The following ERC2 variants were observed in gnomAD, a reference collection of about 807,000 sequenced individuals.
ERC2 encodes ELKS/RAB6-interacting/CAST family member 2, also known as ERC protein 2.
Under a neutral mutation model 114.8 loss-of-function variants are expected in ERC2, and 42 were observed. The ratio of observed to expected loss-of-function variants is 0.37; its 90% CI spans 0.29 to 0.47. The LOEUF (loss-of-function observed/expected upper bound fraction) is 0.47, where lower values mean the gene tolerates loss of function less well. Among genes scored for constraint, ERC2 ranks in the 20% least tolerant of loss-of-function variants. The probability of loss-of-function intolerance (pLI) is 0.99; values close to 1 mark genes in which losing one functional copy is unlikely to be tolerated. For synonymous variants in ERC2, 454 were observed against 425.5 expected, an observed-to-expected ratio of 1.07 and a Z score of -0.82; for missense variants, 939 against 1,150.7, an observed-to-expected ratio of 0.82 and a Z score of 2.66.
chr3:56,177,483 G>T (rs915428790), intron 3 of ERC2, among the ~76,000 whole-genome samples: 2 of 152,198 alleles, frequency 1.3e-5, no homozygotes, highest in African/African-American at 4.8e-5. Flanking sequence ...ATCATGAAGT[G>T]CAATGGTACT....
intron 12 of ERC2, among the ~76,000 whole-genome samples, chr3:55,966,369 G>A (rs1421470581): frequency 3.3e-5 from 5 of 152,130 alleles, no homozygotes; most frequent in Non-Finnish European, 5.9e-5. Flanking sequence ...AGAGCTCCCA[G>A]GGGCAGGGTG....
chr3:55,857,600 A>C (rs1480982094), intron 14 of ERC2, among the ~76,000 whole-genome samples: 5 of 152,210 alleles, frequency 3.3e-5, no homozygotes, highest in Admixed American at 2.6e-4. Context: ...AACAAAACAA[A>C]AACCATGACT....
At chr3:55,667,117 G>A (rs1472359356) in intron 17 of ERC2, among the ~76,000 whole-genome samples, 1 of 152,066 alleles carries the variant, frequency 6.6e-6, no homozygotes, top group Non-Finnish European at 1.5e-5. Flanking sequence ...AGAGGGTTGG[G>A]GAGGATAATG....
At chr3:55,805,179 C>A (rs2059442497) in intron 14 of ERC2, among the ~76,000 whole-genome samples, 1 of 151,982 alleles carries the variant, frequency 6.6e-6, no homozygotes, top group Non-Finnish European at 1.5e-5. Context: ...TCACAACAGG[C>A]ACCAAGTGTA....
At chr3:55,854,698 C>T (rs779039741) in intron 14 of ERC2, among the ~76,000 whole-genome samples, 4 of 152,160 alleles carry the variant, frequency 2.6e-5, no homozygotes, top group Admixed American at 6.5e-5. Flanking sequence ...CAGTCTGGCA[C>T]GGAGCAGCAG....
chr3:56,139,773 G>A (rs771672248), intron 5 of ERC2, 97 bp from the exon 6 acceptor site: 62 of 1,332,184 alleles, frequency 4.7e-5, no homozygotes, highest in Non-Finnish European at 6.1e-5. Context: ...AGCAGCCAGT[G>A]ATCAATAATC....
intron 14 of ERC2, among the ~76,000 whole-genome samples, chr3:55,773,768 G>T (rs1292145180): frequency 6.6e-6 from 1 of 152,166 alleles, no homozygotes; most frequent in Non-Finnish European, 1.5e-5. Context: ...CCTGGGAAAG[G>T]CTATTTTGGT....
At chr3:56,159,413 A>G (rs886807180) in intron 4 of ERC2, among the ~76,000 whole-genome samples, 11 of 152,218 alleles carry the variant, frequency 7.2e-5, no homozygotes, top group African/African-American at 2.7e-4. Context: ...GTTATTCTAC[A>G]TTGATAAATA....
intron 14 of ERC2, among the ~76,000 whole-genome samples, chr3:55,792,867 G>A (rs2070159712): frequency 6.6e-6 from 1 of 152,116 alleles, no homozygotes; most frequent in African/African-American, 2.4e-5. Context: ...TGGGTGTAGA[G>A]TACAGTGTCA....
At chr3:55,768,321 T>C (rs1048447929) in intron 14 of ERC2, among the ~76,000 whole-genome samples, 12 of 152,364 alleles carry the variant, frequency 7.9e-5, no homozygotes, top group African/African-American at 2.9e-4. Context: ...TGGGAATCCA[T>C]AAGTCAGTGC....
At chr3:56,017,776 C>T (rs1260223528) in intron 8 of ERC2, among the ~76,000 whole-genome samples, 1 of 152,162 alleles carries the variant, frequency 6.6e-6, no homozygotes, top group African/African-American at 2.4e-5. Flanking sequence ...CTCCCCATCA[C>T]CTCCACTAGA....
intron 10 of ERC2, among the ~76,000 whole-genome samples, chr3:55,999,617 T>C (rs1029694572): frequency 4.6e-5 from 7 of 151,830 alleles, no homozygotes; most frequent in African/African-American, 1.7e-4. Context: ...AATAAAATAA[T>C]AAGTATATCA....
chr3:55,660,821 G>A (rs1179117949), intron 17 of ERC2, among the ~76,000 whole-genome samples: 3 of 152,176 alleles, frequency 2.0e-5, no homozygotes, highest in African/African-American at 7.2e-5. Flanking sequence ...ACCTCTGTGA[G>A]CCTCAATCAG....
chr3:56,195,728 G>A (rs1023630241), intron 3 of ERC2, among the ~76,000 whole-genome samples: 1 of 152,074 alleles, frequency 6.6e-6, no homozygotes, highest in Non-Finnish European at 1.5e-5. Flanking sequence ...TGGGGACTCT[G>A]AGGCAGGAAG....
intron 15 of ERC2, among the ~76,000 whole-genome samples, chr3:55,722,653 T>G (rs1559551365): frequency 6.6e-6 from 1 of 152,220 alleles, no homozygotes; most frequent in African/African-American, 2.4e-5. Context: ...GGTGTCCAGA[T>G]AGTATCTGGA....
At chr3:56,453,882 A>G (rs376263227) in intron 1 of ERC2, among the ~76,000 whole-genome samples, 85 of 152,276 alleles carry the variant, frequency 5.6e-4, no homozygotes, top group East Asian at 4.5e-3. Context: ...GCGAGCATCA[A>G]TGGGCGTGGG....
chr3:55,722,659 C>T (rs1377567141), intron 15 of ERC2, among the ~76,000 whole-genome samples: 1 of 152,178 alleles, frequency 6.6e-6, no homozygotes, highest in African/African-American at 2.4e-5. Context: ...CAGATAGTAT[C>T]TGGAACGTAG....
chr3:55,581,773 T>C (rs2057274234), intron 17 of ERC2, among the ~76,000 whole-genome samples: 1 of 152,160 alleles, frequency 6.6e-6, no homozygotes. Context: ...AACCATTGAC[T>C]TCGCATGGAG....
chr3:56,297,345 C>G (rs1167931434), intron 2 of ERC2, among the ~76,000 whole-genome samples: 1 of 152,018 alleles, frequency 6.6e-6, no homozygotes, highest in East Asian at 1.9e-4. Context: ...GAGGTTTATC[C>G]CACCTTTTGT....
Sources: allele counts gnomAD v4.1 joint callset (sites outside exome capture counted in the v4.1 genomes callset), GRCh38; gene constraint gnomAD v4.1.1; transcripts MANE v1.5; gene names NCBI Gene and HGNC (gene_info 2026-07-23, HGNC 2026-07-21).